Variants in ZNF292 observed in about 807,000 individuals in gnomAD.
The protein encoded by ZNF292 is 16 zinc-finger domain protein.
In ZNF292, 26 loss-of-function variants were observed where a neutral mutation model predicts 217.9. The ratio of observed to expected loss-of-function variants is 0.12; its 90% CI spans 0.09 to 0.17. ZNF292 has a LOEUF of 0.17. Ranked by LOEUF, ZNF292 falls within the 10% of genes least tolerant of loss-of-function variation. ZNF292 has a pLI of 1.00. For missense variants in ZNF292, 2,904 were observed against 3,175.2 expected, an observed-to-expected ratio of 0.91 and a Z score of 2.05; for synonymous variants, 1,257 against 1,124.1, an observed-to-expected ratio of 1.12 and a Z score of -2.37.
chr6:87,260,378 CAG>C lies in ZNF292; in HGVS notation c.6751_6752del (p.Glu2251ArgfsTer8). 6.2e-7 allele frequency: 1 copy of C among 1,613,472 alleles called. No homozygotes were observed. Among genetic ancestry groups the C allele is most frequent in the Non-Finnish European group, 8.5e-7 (1 of 1,179,614 alleles). On this transcript the variant is annotated frameshift_variant, in exon 8 of 8. Coordinates refer to ENST00000369577, the MANE Select transcript of ZNF292 (RefSeq NM_015021.3). LOFTEE classifies it high-confidence loss of function. ...GGGATTGGACTAAGGGCAAGTAAAA[CAG>C]AAGAAGATGGTGTATACAAATGTGA...
Position 87,259,515 on chromosome 6 carries a change from TA to T in ZNF292, c.5888del (p.Asn1963ThrfsTer18). 1 of 1,587,808 alleles carries T rather than the reference TA, an allele frequency of 6.3e-7. No individual in the cohort carries two copies. The highest frequency in any genetic ancestry group is 1.8e-5 in the Admixed American group (1 of 56,016). On this transcript the variant is annotated frameshift_variant, in exon 8 of 8. Transcript: ENST00000369577. LOFTEE classifies it high-confidence loss of function. ...GTACAAAAACATTTACAAGAAATTC[TA>T]ACCTCCGGGCACACTGTCAGTTGGT... ...TCTKTFTRNSNLRAHCQLVHH... is the reference protein window; with the variant it reads ...TCTKTFTRNSXLRAHCQLVHH...
rs114852662 is a variant in ZNF292 at position 87,229,926 on chromosome 6, T to C, written c.539-3399T>C. The stretch of plus-strand genomic sequence containing the variant: ...GGTAAGAGTAGATGGAGACGACTAG[T>C]AGATTGCTACGAAGTAGTCTGATTA... On this transcript the variant is annotated intron_variant, in intron 4 of 7. Transcript: ENST00000369577. Among the ~76,000 whole-genome samples, 545 of 151,736 alleles carry C rather than the reference T, an allele frequency of 3.6e-3. 2 individuals carry two copies. Among genetic ancestry groups the C allele is most frequent in the African/African-American group, 0.013 (524 of 41,278 alleles).
rs78579843 is a variant in ZNF292 at position 87,260,272 on chromosome 6, A to G, written c.6643A>G (p.Lys2215Glu). 3.7e-6 allele frequency: 6 copies of G among 1,613,660 alleles called. No homozygotes were observed. The highest frequency in any genetic ancestry group is 5.1e-6 in the Non-Finnish European group (6 of 1,179,636). Residue 2215 changes from lysine (K) to glutamate (E), a missense_variant, in exon 8 of 8, where the codon AAG (lysine) becomes GAG (glutamate). Transcript: ENST00000369577. The stretch of plus-strand genomic sequence containing the variant: ...TATGACTGCTTCAGTGGATGTTGGG[A>G]AGTTTCCATGTGACCAGTTAGAGTG... ...ESMTASVDVG[K>E]FPCDQLECKS... is the part of the protein sequence containing the mutation.
chr6:87,184,470 C>CTT (rs35294887), intron 1 of ZNF292, among the ~76,000 whole-genome samples: 1,887 of 115,008 alleles, frequency 0.016, 72 homozygotes, highest in African/African-American at 0.048. Flanking sequence ...TTACCATAGG[C>CTT]TTTTTTTTTT....
chr6:87,232,545 T>A (rs933301530), intron 4 of ZNF292, among the ~76,000 whole-genome samples: 1 of 152,102 alleles, frequency 6.6e-6, no homozygotes, highest in African/African-American at 2.4e-5. Flanking sequence ...TTGTTAAAAC[T>A]TAAATTCTCC....
rs1772135541 is a variant in ZNF292, at chr6:87,202,899, C to G, written c.169-13004C>G. 1.3e-5 allele frequency among the ~76,000 whole-genome samples: 2 copies of G among 151,914 alleles called. 1 individual carries two copies. Among genetic ancestry groups the G allele is most frequent in the African/African-American group, 4.8e-5 (2 of 41,310 alleles). ...TCTATTTTATTATTTTTGTTAATCT[C>G]TTACTGTGCCTAATTTACAAATTAA... On this transcript the variant is annotated intron_variant, in intron 1 of 7. Transcript: ENST00000369577.
At chr6:87,235,713 G>A (rs1205876858) in intron 5 of ZNF292, among the ~76,000 whole-genome samples, 1 of 152,134 alleles carries the variant, frequency 6.6e-6, no homozygotes, top group Non-Finnish European at 1.5e-5. Context: ...ATTCTGTGAA[G>A]ACCCTGGGTA....
chr6:87,190,513 G>A (rs1488079954), intron 1 of ZNF292, among the ~76,000 whole-genome samples: 6 of 151,636 alleles, frequency 4.0e-5, no homozygotes, highest in Admixed American at 2.6e-4. Flanking sequence ...TTGCTCTGTC[G>A]CCCAGGCTGG....
At chr6:87,253,450 G>A (rs550059934) in intron 7 of ZNF292, among the ~76,000 whole-genome samples, 23 of 151,706 alleles carry the variant, frequency 1.5e-4, no homozygotes, top group Non-Finnish European at 2.5e-4. Flanking sequence ...GGTTGGTCTC[G>A]AACTCCTGAG....
intron 1 of ZNF292, among the ~76,000 whole-genome samples, chr6:87,194,567 A>G (rs1046553501): frequency 6.6e-6 from 1 of 152,134 alleles, no homozygotes; most frequent in Non-Finnish European, 1.5e-5. Context: ...TGTAGCACCA[A>G]ATTTGAAAAC....
At chr6:87,248,885 G>C (rs901638699) in intron 7 of ZNF292, among the ~76,000 whole-genome samples, 1 of 152,158 alleles carries the variant, frequency 6.6e-6, no homozygotes, top group Non-Finnish European at 1.5e-5. Flanking sequence ...CAAAATACTG[G>C]ACAAGAGCTG....
At chr6:87,225,438 C>T (rs77607100) in intron 4 of ZNF292, among the ~76,000 whole-genome samples, 2,911 of 152,174 alleles carry the variant, frequency 0.019, 99 homozygotes, top group African/African-American at 0.067. Context: ...AAAATCTCAT[C>T]GTGAAATCCA....
chr6:87,216,661 CAGTT>C (rs1164785077), intron 3 of ZNF292, among the ~76,000 whole-genome samples: 2 of 151,962 alleles, frequency 1.3e-5, no homozygotes, highest in Non-Finnish European at 2.9e-5. Flanking sequence ...GATTTAGAAA[CAGTT>C]AAACTGGTTT....
chr6:87,200,243 C>G (rs191357498), intron 1 of ZNF292, among the ~76,000 whole-genome samples: 5 of 152,272 alleles, frequency 3.3e-5, no homozygotes, highest in Admixed American at 6.5e-5. Flanking sequence ...GACTGCTTGA[C>G]TATGGGAGTC....
chr6:87,165,508 T>C (rs1770884468), intron 1 of ZNF292, among the ~76,000 whole-genome samples: 1 of 152,218 alleles, frequency 6.6e-6, no homozygotes, highest in Admixed American at 6.5e-5. Flanking sequence ...AAAACCATAC[T>C]TATCTTTACT....
chr6:87,192,682 T>C (rs1771852265), intron 1 of ZNF292, among the ~76,000 whole-genome samples: 1 of 152,222 alleles, frequency 6.6e-6, no homozygotes, highest in Non-Finnish European at 1.5e-5. Context: ...AAAATGGAAT[T>C]ATATACTTCG....
intron 1 of ZNF292, among the ~76,000 whole-genome samples, chr6:87,168,121 T>A (rs1419255472): frequency 1.3e-5 from 2 of 152,182 alleles, no homozygotes; most frequent in Non-Finnish European, 2.9e-5. Flanking sequence ...GAATCAGTAT[T>A]CAGAACAGGC....
chr6:87,245,488 C>T lies in ZNF292; in HGVS notation c.879-15C>T. ...ACTGCTCCAACTTTTCTTATTATAA[C>T]TTTTTTTTTTTAAGGGAACTTACTC... On this transcript the variant is annotated splice_polypyrimidine_tract_variant and intron_variant, in intron 6 of 7. Coordinates refer to ENST00000369577, the MANE Select transcript of ZNF292 (RefSeq NM_015021.3). 2.7e-6 allele frequency: 3 copies of T among 1,115,564 alleles called. No homozygotes were observed. The highest frequency in any genetic ancestry group is 3.6e-6 in the Non-Finnish European group (3 of 830,036). The allele number at this position is 1,115,564 out of a possible 1,614,324, so 69.1% of individuals were successfully genotyped here.
At position 87,159,721 on chromosome 6, in the gene ZNF292, C is replaced by T. The variant is rs144399385; in HGVS notation, c.168+3962C>T. On this transcript the variant is annotated intron_variant, in intron 1 of 7. Coordinates refer to ENST00000369577, the MANE Select transcript of ZNF292 (RefSeq NM_015021.3). ...TTCTCCTTGTTGGTCAGGCTGGTTC[C>T]GCCCCTCTTGGCCTCCCAAAGTGCT... Among the ~76,000 whole-genome samples the T allele has an allele frequency of 1.1e-4, 16 of 152,040 alleles. No individual in the cohort carries two copies. In the East Asian group the frequency reaches 1.4e-3, roughly 13 times the overall value.
Sources: allele counts gnomAD v4.1 joint callset (sites outside exome capture counted in the v4.1 genomes callset), GRCh38; gene constraint gnomAD v4.1.1; transcripts MANE v1.5; gene names NCBI Gene and HGNC (gene_info 2026-07-23, HGNC 2026-07-21).